Variants in POU2F2 observed in about 807,000 individuals in gnomAD.
POU2F2 encodes the protein POU domain, class 2, transcription factor 2.
Under a neutral mutation model 63.5 loss-of-function variants are expected in POU2F2, and 14 were observed. The observed-to-expected ratio is 0.22, with a 90% CI of 0.15 to 0.34. The LOEUF (loss-of-function observed/expected upper bound fraction) is 0.34. Among genes scored for constraint, POU2F2 ranks in the 10% least tolerant of loss-of-function variants. The pLI, the probability that POU2F2 is intolerant of heterozygous loss-of-function variation, is 1.00. For synonymous variants in POU2F2, 306 were observed against 348.6 expected, an observed-to-expected ratio of 0.88 and a Z score of 1.36; for missense variants, 607 against 815.2, an observed-to-expected ratio of 0.74 and a Z score of 3.11.
intron 4 of POU2F2, among the ~76,000 whole-genome samples, chr19:42,119,137 G>C (rs938952815): frequency 6.6e-6 from 1 of 151,104 alleles, no homozygotes; most frequent in African/African-American, 2.4e-5. Flanking sequence ...AAAAAAAAGA[G>C]AGAGAGAGAG....
intron 2 of POU2F2, among the ~76,000 whole-genome samples, chr19:42,147,563 C>A (rs899946114): frequency 6.6e-6 from 1 of 152,216 alleles, no homozygotes; most frequent in East Asian, 1.9e-4. Context: ...TAGTGCCCAA[C>A]AAACGCTGGG....
At chr19:42,121,550 T>G (rs1031543219) in intron 4 of POU2F2, among the ~76,000 whole-genome samples, 1 of 152,062 alleles carries the variant, frequency 6.6e-6, no homozygotes, top group African/African-American at 2.4e-5. Flanking sequence ...GCTCACACCT[T>G]CTCTGCCCCC....
At chr19:42,165,953 T>C (rs1251320551) in intron 1 of POU2F2, among the ~76,000 whole-genome samples, 1 of 152,220 alleles carries the variant, frequency 6.6e-6, no homozygotes, top group Non-Finnish European at 1.5e-5. Context: ...GTTCATTCAT[T>C]CATTCATTCA....
At chr19:42,099,016 G>A (rs2077028234) in intron 7 of POU2F2, among the ~76,000 whole-genome samples, 1 of 152,210 alleles carries the variant, frequency 6.6e-6, no homozygotes, top group African/African-American at 2.4e-5. Flanking sequence ...AAGAGGAGCT[G>A]GAAATGTGGT....
rs556542758 is a variant in POU2F2, at chr19:42,117,820, A to G, written c.187-388T>C. On this transcript the variant is annotated intron_variant, in intron 4 of 14. Transcript: ENST00000692977. The surrounding 1 kb of genome is among the most constrained non-coding windows in gnomAD (Gnocchi z 4.4). ...CATGGTGAAACCCCATTTCTGAAAA[A>G]AAAAAAGGAAAATACTCCCACTGGG... 1.3e-5 allele frequency among the ~76,000 whole-genome samples: 2 copies of G among 152,074 alleles called. No individual in the cohort carries two copies. Among genetic ancestry groups the G allele is most frequent in the African/African-American group, 2.4e-5 (1 of 41,502 alleles).
intron 5 of POU2F2, among the ~76,000 whole-genome samples, chr19:42,108,885 G>A (rs1017618585): frequency 2.6e-5 from 4 of 152,246 alleles, no homozygotes; most frequent in African/African-American, 9.6e-5. Context: ...TAGCATGCCT[G>A]TGAAAGCTGA....
chr19:42,112,877 T>G (rs552841643), intron 5 of POU2F2, among the ~76,000 whole-genome samples: 1 of 152,238 alleles, frequency 6.6e-6, no homozygotes, highest in African/African-American at 2.4e-5. Context: ...CCCTCCCAGC[T>G]CATCCATCCC....
intron 2 of POU2F2, among the ~76,000 whole-genome samples, chr19:42,141,029 C>A (rs1333098737): frequency 6.6e-6 from 1 of 152,212 alleles, no homozygotes; most frequent in Admixed American, 6.5e-5. Flanking sequence ...TCTGTACACA[C>A]CAGCCTCTGC....
At position 42,168,814 on chromosome 19, in the gene POU2F2, C is replaced by T. The variant is rs548638199; in HGVS notation, c.-70+7149G>A. On this transcript the variant is annotated intron_variant, in intron 1 of 6. Transcript: ENST00000524801. ...ACACATTTAGAATCTGTGTGTTGTG[C>T]CTGATGTCAAGCTTAAATGTCACTT... 2.0e-4 allele frequency among the ~76,000 whole-genome samples: 30 copies of T among 152,270 alleles called. No homozygotes were observed. The South Asian group carries it at 6.0e-3, about 30-fold the overall frequency.
chr19:42,090,997 GT>G lies in POU2F2; in HGVS notation c.*259del, dbSNP rs879034620. The G allele has an allele frequency of 1.1e-4, 33 of 312,306 alleles. No homozygotes were observed. Among genetic ancestry groups the G allele is most frequent in the Middle Eastern group, 8.6e-4 (1 of 1,158 alleles). The allele number at this position is 312,306 out of a possible 1,614,324, so 19.3% of individuals were successfully genotyped here. A position where few individuals can be genotyped will look rare whatever the true frequency, so the allele number is the denominator to read the frequency against. ...TTTTTTTTTTTTTGGTTTGTTTTTGGTTTTTTTTTGTTTGTTTTTCACCTCT... is the reference window on the plus strand; with the variant it reads ...TTTTTTTTTTTTTGGTTTGTTTTTGGTTTTTTTTGTTTGTTTTTCACCTCT... On this transcript the variant is annotated 3_prime_UTR_variant, in exon 15 of 15. Coordinates refer to ENST00000692977, the MANE Select transcript of POU2F2 (RefSeq NM_001394376.1). This position sits in a 1 kb window ranked among gnomAD's most constrained non-coding sequence, Gnocchi z 4.4.
At chr19:42,183,053 C>A (rs2034979739) in intron 1 of POU2F2, among the ~76,000 whole-genome samples, 1 of 152,200 alleles carries the variant, frequency 6.6e-6, no homozygotes, top group African/African-American at 2.4e-5. Flanking sequence ...CATGAGGCAT[C>A]TTGCAGATGG....
intron 2 of POU2F2, among the ~76,000 whole-genome samples, chr19:42,159,652 C>A (rs574510044): frequency 6.6e-6 from 1 of 152,332 alleles, no homozygotes; most frequent in East Asian, 1.9e-4. Flanking sequence ...AGCAGGAGAA[C>A]TATGGCTTCT....
chr19:42,145,933 CA>C (rs952515446), intron 2 of POU2F2, among the ~76,000 whole-genome samples: 20 of 118,572 alleles, frequency 1.7e-4, no homozygotes, highest in East Asian at 2.6e-4. Flanking sequence ...GACTCTGTCT[CA>C]AAAAAAAAAG....
chr19:42,111,443 C>T (rs547793473), intron 5 of POU2F2, among the ~76,000 whole-genome samples: 13 of 152,292 alleles, frequency 8.5e-5, no homozygotes, highest in African/African-American at 2.9e-4. Context: ...CAACTAACAA[C>T]TTCCAGCTCC....
At chr19:42,099,915 G>A in intron 5 of POU2F2, 94 bp from the exon 6 acceptor site, 1 of 1,011,912 alleles carries the variant, frequency 9.9e-7, no homozygotes, top group South Asian at 1.4e-5. Context: ...CTGAAACCAG[G>A]AAGCTGCTCC....
At chr19:42,174,868 C>T (rs749609691) in intron 1 of POU2F2, among the ~76,000 whole-genome samples, 11 of 152,096 alleles carry the variant, frequency 7.2e-5, no homozygotes, top group South Asian at 2.1e-4. Flanking sequence ...AGCTACTGAG[C>T]GAAGCGGCTG....
chr19:42,175,027 A>T (rs2034846011), intron 1 of POU2F2, among the ~76,000 whole-genome samples: 1 of 151,974 alleles, frequency 6.6e-6, no homozygotes, highest in East Asian at 1.9e-4. Flanking sequence ...TCTCAGATGG[A>T]CTTCCGCCCC....
intron 7 of POU2F2, 122 bp downstream of exon 7, chr19:42,099,405 C>A: frequency 1.2e-6 from 1 of 864,746 alleles, no homozygotes; most frequent in Non-Finnish European, 1.8e-6. Flanking sequence ...CAGCAAATCA[C>A]TGGCAGAGTG....
Position 42,153,155 on chromosome 19 carries a change from CGA to C in POU2F2, c.-9+7175_-9+7176del, listed in dbSNP as rs1175700463. Among the ~76,000 whole-genome samples the C allele has an allele frequency of 5.9e-5, 9 of 152,142 alleles. No homozygotes were observed. The highest frequency in any genetic ancestry group is 2.2e-4 in the African/African-American group (9 of 41,418). ...TGCGGCTTCGGACAGGAGGTTCCAG[CGA>C]GAGGTCTGTGGTGTGCGAGCTGCCA... On this transcript the variant is annotated intron_variant, in intron 2 of 6. Transcript: ENST00000524801. This position sits in a 1 kb window ranked among gnomAD's most constrained non-coding sequence, Gnocchi z 5.6.
Sources: gnomAD v4.1 joint callset for allele counts (sites outside exome capture counted in the v4.1 genomes callset) on GRCh38, gnomAD v4.1.1 for gene constraint, Gnocchi (gnomAD v3.1) non-coding constraint, MANE v1.5 for transcripts, NCBI Gene and HGNC (gene_info 2026-07-23, HGNC 2026-07-21) for gene names.